Variants in CNTN6 observed in about 807,000 individuals in gnomAD.
CNTN6 encodes the protein contactin 6, also known as contactin-6.
In CNTN6, 137 loss-of-function variants were observed where a neutral mutation model predicts 122.8. The observed-to-expected ratio is 1.12, with a 90% CI of 0.97 to 1.29. The LOEUF is 1.29. Among genes scored for constraint, CNTN6 ranks in the 50% most tolerant of loss-of-function variants. CNTN6 has a pLI of 0.00. For missense variants in CNTN6, 1,634 were observed against 1,223.4 expected (o/e 1.34, Z -5.01); for synonymous variants, 570 against 426.0 (o/e 1.34, Z -4.16).
chr3:1,260,928 A>G (rs2094835877), intron 4 of CNTN6, among the ~76,000 whole-genome samples: 1 of 152,112 alleles, frequency 6.6e-6, no homozygotes, highest in South Asian at 2.1e-4. Context: ...GTATGTCTGT[A>G]TTAGCAGTGT....
intron 2 of CNTN6, among the ~76,000 whole-genome samples, chr3:1,157,906 C>A (rs2093012925): frequency 6.6e-6 from 1 of 152,160 alleles, no homozygotes; most frequent in Non-Finnish European, 1.5e-5. Flanking sequence ...TTGATGGATA[C>A]TTAGATTGTT....
At chr3:1,391,701 G>A (rs1694174523) in intron 20 of CNTN6, among the ~76,000 whole-genome samples, 1 of 150,266 alleles carries the variant, frequency 6.7e-6, no homozygotes, top group African/African-American at 2.5e-5. Flanking sequence ...AGCAACTTCA[G>A]CAAAGTCTCA....
chr3:1,391,783 C>T (rs1172221732), intron 20 of CNTN6, among the ~76,000 whole-genome samples: 1 of 149,844 alleles, frequency 6.7e-6, no homozygotes, highest in African/African-American at 2.5e-5. Flanking sequence ...AGAGCCAAAT[C>T]ATGAGTGAAC....
chr3:1,099,924 T>G (rs1209187308), intron 1 of CNTN6, among the ~76,000 whole-genome samples: 1 of 152,202 alleles, frequency 6.6e-6, no homozygotes, highest in East Asian at 1.9e-4. Context: ...TAACATAAAA[T>G]GTACTTTTAT....
intron 2 of CNTN6, among the ~76,000 whole-genome samples, chr3:1,155,335 C>T (rs1257473246): frequency 1.3e-5 from 2 of 152,094 alleles, no homozygotes; most frequent in African/African-American, 4.8e-5. Context: ...TAAATGAGCA[C>T]GTTATTGACC....
intron 4 of CNTN6, among the ~76,000 whole-genome samples, chr3:1,242,604 T>C (rs916131655): frequency 6.6e-6 from 1 of 152,070 alleles, no homozygotes; most frequent in Non-Finnish European, 1.5e-5. Context: ...GTAATGGGCA[T>C]GTGATCAGTT....
At position 1,329,940 on chromosome 3, in the gene CNTN6, A is replaced by G; in HGVS notation, c.1364+5A>G. 6.5e-7 allele frequency: 1 copy of G among 1,530,062 alleles called. No homozygotes were observed. The highest frequency in any genetic ancestry group is 8.7e-7 in the Non-Finnish European group (1 of 1,144,096). 94.8% of individuals were successfully genotyped at this position (1,530,062 alleles called of 1,614,324 possible). On this transcript the variant is annotated splice_donor_5th_base_variant and intron_variant, in intron 11 of 22. Transcript: ENST00000446702. ...GACCCTTAGACAAAGCAAAAGGTAA[A>G]CAAATCTTTATTTTTAAAAATATTT...
intron 11 of CNTN6, among the ~76,000 whole-genome samples, chr3:1,348,734 A>C (rs1705157390): frequency 1.3e-5 from 2 of 151,988 alleles, no homozygotes; most frequent in African/African-American, 4.8e-5. Flanking sequence ...TATGGTTAGA[A>C]TCTGAGCCCT....
At position 1,251,459 on chromosome 3, in the gene CNTN6, C is replaced by A. The variant is rs78664757; in HGVS notation, c.358+23466C>A. Among the ~76,000 whole-genome samples, 13 of 152,316 alleles carry A rather than the reference C, an allele frequency of 8.5e-5. 1 individual carries two copies. The East Asian group carries it at 2.3e-3, about 27-fold the overall frequency. On this transcript the variant is annotated intron_variant, in intron 4 of 22. Transcript: ENST00000446702. ...GAGACAAAGGCAAAAAACACTTCTT[C>A]TCATTAACTTTTAACTCACTTGCTC...
At chr3:1,279,175 T>C (rs9809329) in intron 5 of CNTN6, among the ~76,000 whole-genome samples, 9,972 of 152,248 alleles carry the variant, frequency 0.065, 400 homozygotes, top group African/African-American at 0.1. Context: ...AATGCCAGCC[T>C]CTACTTTGGA....
At chr3:1,361,606 T>C (rs1385194351) in intron 12 of CNTN6, among the ~76,000 whole-genome samples, 1 of 152,146 alleles carries the variant, frequency 6.6e-6, no homozygotes, top group East Asian at 1.9e-4. Flanking sequence ...AAAAACCTAC[T>C]GATAAATGGC....
chr3:1,237,389 A>G (rs988628283), intron 4 of CNTN6, among the ~76,000 whole-genome samples: 1 of 152,124 alleles, frequency 6.6e-6, no homozygotes, highest in East Asian at 1.9e-4. Context: ...GCTTCCAAGA[A>G]GTTTGAGACT....
intron 4 of CNTN6, among the ~76,000 whole-genome samples, chr3:1,251,810 C>A (rs1233883373): frequency 6.6e-6 from 1 of 152,086 alleles, no homozygotes; most frequent in African/African-American, 2.4e-5. Context: ...TCCTCACATA[C>A]CTCAAACAAC....
intron 2 of CNTN6, among the ~76,000 whole-genome samples, chr3:1,189,327 C>G (rs568060421): frequency 2.6e-5 from 4 of 152,236 alleles, no homozygotes; most frequent in African/African-American, 9.6e-5. Context: ...TCAGTTCATT[C>G]TGGAAAGGAG....
chr3:1,253,965 GTC>G (rs1158174967), intron 4 of CNTN6, among the ~76,000 whole-genome samples: 9 of 152,108 alleles, frequency 5.9e-5, no homozygotes, highest in Admixed American at 5.9e-4. Flanking sequence ...GTGCTTACAT[GTC>G]TCTGCGCACA....
At chr3:1,115,014 C>T (rs951320314) in intron 1 of CNTN6, among the ~76,000 whole-genome samples, 1 of 152,048 alleles carries the variant, frequency 6.6e-6, no homozygotes. Context: ...TCTCAACCTA[C>T]GGGAGGTTGG....
chr3:1,139,427 C>A (rs1351479660), intron 1 of CNTN6, among the ~76,000 whole-genome samples: 1 of 152,020 alleles, frequency 6.6e-6, no homozygotes, highest in East Asian at 1.9e-4. Context: ...TTTTCAAGAC[C>A]AACATCATCA....
intron 5 of CNTN6, among the ~76,000 whole-genome samples, chr3:1,279,661 C>T (rs1028943331): frequency 3.3e-5 from 5 of 152,138 alleles, no homozygotes; most frequent in African/African-American, 7.2e-5. Context: ...TAATTGATTT[C>T]CACTCTGGAA....
intron 20 of CNTN6, among the ~76,000 whole-genome samples, chr3:1,388,347 G>A (rs1229726617): frequency 2.0e-5 from 3 of 146,558 alleles, no homozygotes; most frequent in Non-Finnish European, 4.6e-5. Flanking sequence ...CTGAAGCTGA[G>A]GGTCCTGTCT....
Sources: allele counts gnomAD v4.1 joint callset (sites outside exome capture counted in the v4.1 genomes callset), GRCh38; gene constraint gnomAD v4.1.1; transcripts MANE v1.5; gene names NCBI Gene and HGNC (gene_info 2026-07-23, HGNC 2026-07-21).